The following TLE1 variants were observed in gnomAD, a reference collection of about 807,000 sequenced individuals.
TLE1 encodes the protein TLE family member 1, transcriptional corepressor.
Under a neutral mutation model 89.8 loss-of-function variants are expected in TLE1, and 21 were observed. The ratio of observed to expected loss-of-function variants is 0.23; its 90% CI spans 0.17 to 0.34. The LOEUF is 0.34. Ranked by LOEUF, TLE1 falls within the 10% of genes least tolerant of loss-of-function variation. The pLI is 1.00. For missense variants in TLE1, 795 were observed against 1,031.2 expected (o/e 0.77, Z 3.14); for synonymous variants, 447 against 407.6 (o/e 1.10, Z -1.16).
At chr9:81,646,623 C>T (rs1427271860) in intron 6 of TLE1, among the ~76,000 whole-genome samples, 1 of 152,142 alleles carries the variant, frequency 6.6e-6, no homozygotes. Flanking sequence ...AGATAGCTGA[C>T]AGCTATAGCC....
intron 13 of TLE1, among the ~76,000 whole-genome samples, chr9:81,610,747 C>G (rs1487851694): frequency 6.7e-6 from 1 of 149,498 alleles, no homozygotes; most frequent in African/African-American, 2.5e-5. Flanking sequence ...TACCTGCCCC[C>G]CCTCCCACCC....
intron 4 of TLE1, among the ~76,000 whole-genome samples, chr9:81,675,708 G>GTTTGTTTGTTT (rs1564071195): frequency 3.0e-5 from 4 of 132,440 alleles, no homozygotes; most frequent in African/African-American, 1.2e-4. Context: ...GTTTTTTTTT[G>GTTTGTTTGTTT]TTTTTTTTTT....
intron 6 of TLE1, among the ~76,000 whole-genome samples, chr9:81,634,932 T>C (rs1827182498): frequency 1.3e-5 from 2 of 152,102 alleles, no homozygotes; most frequent in African/African-American, 4.8e-5. Context: ...TCTGGGTGGG[T>C]GTCTCATGCA....
At chr9:81,632,453 C>G (rs928735803) in intron 8 of TLE1, among the ~76,000 whole-genome samples, 1 of 147,352 alleles carries the variant, frequency 6.8e-6, no homozygotes, top group South Asian at 2.2e-4. Flanking sequence ...AAAAAGTTAT[C>G]AGATTTAAAT....
chr9:81,607,819 A>C (rs949066747), intron 14 of TLE1, among the ~76,000 whole-genome samples: 1 of 152,226 alleles, frequency 6.6e-6, no homozygotes, highest in Non-Finnish European at 1.5e-5. Context: ...ACTACCAGCT[A>C]AGTGAACATT....
At chr9:81,621,054 A>G (rs927610298) in intron 8 of TLE1, 23 of 259,482 alleles carry the variant, frequency 8.9e-5, no homozygotes, top group Non-Finnish European at 1.8e-4. Flanking sequence ...CACAGCAACA[A>G]TGAAGGAACT....
chr9:81,650,989 T>G (rs1374030115), intron 6 of TLE1, among the ~76,000 whole-genome samples: 1 of 152,200 alleles, frequency 6.6e-6, no homozygotes. Flanking sequence ...CTGAGGCTCA[T>G]TCTTTAATCC....
chr9:81,670,830 C>T (rs925265306), intron 4 of TLE1, among the ~76,000 whole-genome samples: 1 of 151,894 alleles, frequency 6.6e-6, no homozygotes, highest in Non-Finnish European at 1.5e-5. Context: ...ATTGATCTGT[C>T]TGGGACCCTT....
chr9:81,632,444 A>G (rs1323043585), intron 8 of TLE1, among the ~76,000 whole-genome samples: 1 of 151,952 alleles, frequency 6.6e-6, no homozygotes, highest in African/African-American at 2.4e-5. Flanking sequence ...CTTATACCAA[A>G]AAAGTTATCA....
At chr9:81,600,061 C>T (rs1256028039) in intron 14 of TLE1, 1 of 730,086 alleles carries the variant, frequency 1.4e-6, no homozygotes, top group African/African-American at 1.7e-5. Flanking sequence ...ACCTAACTTC[C>T]TCTATCAATT....
At chr9:81,675,307 G>GGAAGACACTATGTAAA (rs1480020836) in intron 4 of TLE1, among the ~76,000 whole-genome samples, 5 of 149,954 alleles carry the variant, frequency 3.3e-5, no homozygotes, top group Admixed American at 2.7e-4. Context: ...TTGGGAGAAT[G>GGAAGACACTATGTAAA]GAAGACACTA....
intron 14 of TLE1, among the ~76,000 whole-genome samples, chr9:81,598,558 T>C (rs1239592612): frequency 3.9e-5 from 6 of 152,198 alleles, no homozygotes; most frequent in Non-Finnish European, 7.3e-5. Flanking sequence ...ACAAGCTGTC[T>C]ACTGTTACCT....
At chr9:81,642,810 A>G (rs11139354) in intron 6 of TLE1, among the ~76,000 whole-genome samples, 33,023 of 152,214 alleles carry the variant, frequency 0.22, 4,137 homozygotes, top group East Asian at 0.48. Flanking sequence ...CACGAGAGCC[A>G]AGATACCGAA....
intron 4 of TLE1, among the ~76,000 whole-genome samples, chr9:81,678,417 G>C (rs975291191): frequency 2.0e-5 from 3 of 152,018 alleles, no homozygotes; most frequent in Non-Finnish European, 4.4e-5. Flanking sequence ...ATAGGGTCTC[G>C]CTATGTTGGC....
intron 14 of TLE1, among the ~76,000 whole-genome samples, chr9:81,594,748 A>G (rs1829984910): frequency 6.6e-6 from 1 of 152,214 alleles, no homozygotes; most frequent in South Asian, 2.1e-4. Context: ...AAACACCATG[A>G]GTACTAACAC....
intron 8 of TLE1, among the ~76,000 whole-genome samples, chr9:81,627,267 A>C (rs1247343275): frequency 6.6e-6 from 1 of 152,088 alleles, no homozygotes; most frequent in Non-Finnish European, 1.5e-5. Flanking sequence ...CTAATTACAG[A>C]GCACAAACTC....
intron 4 of TLE1, among the ~76,000 whole-genome samples, chr9:81,672,465 T>TG (rs967535985): frequency 6.8e-6 from 1 of 147,410 alleles, no homozygotes; most frequent in Non-Finnish European, 1.5e-5. Context: ...TCCCAACAAT[T>TG]TTTTTTTTTT....
At chr9:81,687,943 G>C (rs548474202) in intron 1 of TLE1, among the ~76,000 whole-genome samples, 10 of 152,130 alleles carry the variant, frequency 6.6e-5, no homozygotes, top group Non-Finnish European at 1.5e-4. Context: ...AAGGTAGAGG[G>C]GATATGGCTG....
intron 7 of TLE1, 88 bp downstream of exon 7, chr9:81,634,009 T>C (rs900537148): frequency 1.1e-4 from 152 of 1,386,840 alleles, no homozygotes; most frequent in Middle Eastern, 1.9e-4. Flanking sequence ...TCTGTATAGG[T>C]TGGGGCTCTC....
Sources: allele counts gnomAD v4.1 joint callset (sites outside exome capture counted in the v4.1 genomes callset), GRCh38; gene constraint gnomAD v4.1.1; transcripts MANE v1.5; gene names NCBI Gene and HGNC (gene_info 2026-07-23, HGNC 2026-07-21).